UBE2Q2: variants seen among roughly 807,000 people sequenced by gnomAD.
The protein encoded by UBE2Q2 is ubiquitin-conjugating enzyme E2 Q2.
Under a neutral mutation model 59.9 loss-of-function variants are expected in UBE2Q2, and 54 were observed. That is an observed-to-expected ratio of 0.90 (90% CI 0.72 to 1.13). The LOEUF (loss-of-function observed/expected upper bound fraction) is 1.13. Among genes scored for constraint, UBE2Q2 ranks in the 50% most tolerant of loss-of-function variants. UBE2Q2 has a pLI of 0.00. For missense variants in UBE2Q2, 433 were observed against 441.9 expected, an observed-to-expected ratio of 0.98 and a Z score of 0.18; for synonymous variants, 165 against 155.2, an observed-to-expected ratio of 1.06 and a Z score of -0.47.
At chr15:75,865,964 T>C (rs562416749) in intron 3 of UBE2Q2, among the ~76,000 whole-genome samples, 5 of 152,334 alleles carry the variant, frequency 3.3e-5, no homozygotes, top group Non-Finnish European at 7.3e-5. Flanking sequence ...CAGATAATGC[T>C]TCCTGTCTTG....
intron 6 of UBE2Q2, among the ~76,000 whole-genome samples, chr15:75,876,527 C>G (rs777760863): frequency 1.6e-4 from 25 of 152,108 alleles, no homozygotes; most frequent in Non-Finnish European, 3.2e-4. Flanking sequence ...AAACAGTGAA[C>G]TCTTACATGA....
rs1256142539 is a variant in UBE2Q2 at position 75,856,269 on chromosome 15, G to GTGTATATATA, written c.282+1783_282+1784insGTATATATAT. 4.3e-3 allele frequency among the ~76,000 whole-genome samples: 599 copies of GTGTATATATA among 139,232 alleles called. 5 individuals carry two copies. Among genetic ancestry groups the GTGTATATATA allele is most frequent in the African/African-American group, 0.014 (520 of 36,420 alleles). The allele number at this position is 139,232 out of a possible 152,430, so 91.3% of individuals were successfully genotyped here. On this transcript the variant is annotated intron_variant, in intron 2 of 12. Coordinates refer to ENST00000267938, the MANE Select transcript of UBE2Q2 (RefSeq NM_173469.4). ...TACGTGTGTGTGTGTGTGTGTGTGTGTATATATATATATATATATATATAA... is the reference window on the plus strand; with the variant it reads ...TACGTGTGTGTGTGTGTGTGTGTGTGTGTATATATATATATATATATATATATATATATAA...
rs559021634 is a variant in UBE2Q2 at position 75,892,706 on chromosome 15, G to T, written c.1029+1692G>T. Among the ~76,000 whole-genome samples the T allele has an allele frequency of 3.1e-3, 477 of 151,824 alleles. 19 individuals are homozygous for T. The East Asian group carries it at 0.089, about 28-fold the overall frequency. On this transcript the variant is annotated intron_variant, in intron 11 of 12. Transcript: ENST00000267938. ...GAGAACTCGTCTACACAAAAAATACGCCCCCCACCCTAAAAAAACAATTAG... is the reference window on the plus strand; with the variant it reads ...GAGAACTCGTCTACACAAAAAATACTCCCCCCACCCTAAAAAAACAATTAG...
intron 12 of UBE2Q2, 124 bp from the exon 13 acceptor site, chr15:75,899,303 A>ATT (rs907526432): frequency 1.3e-4 from 37 of 295,726 alleles, no homozygotes; most frequent in Non-Finnish European, 2.0e-4. Flanking sequence ...ATATATATAT[A>ATT]TTTTTTACGG....
chr15:75,855,044 C>A (rs1007278224), intron 2 of UBE2Q2, among the ~76,000 whole-genome samples: 1 of 151,998 alleles, frequency 6.6e-6, no homozygotes, highest in African/African-American at 2.4e-5. Context: ...AAATTAAAAT[C>A]TCCCATAATT....
intron 2 of UBE2Q2, among the ~76,000 whole-genome samples, chr15:75,854,942 A>G (rs939287178): frequency 6.6e-6 from 1 of 152,196 alleles, no homozygotes; most frequent in Non-Finnish European, 1.5e-5. Context: ...ATAACTTTCC[A>G]TGTTGAAAAA....
intron 9 of UBE2Q2, among the ~76,000 whole-genome samples, chr15:75,886,983 C>A (rs1255932821): frequency 6.6e-6 from 1 of 151,834 alleles, no homozygotes; most frequent in Non-Finnish European, 1.5e-5. Flanking sequence ...TAGTTTACCA[C>A]CTAGAATAGA....
intron 12 of UBE2Q2, among the ~76,000 whole-genome samples, chr15:75,898,638 T>G (rs1304803615): frequency 6.6e-6 from 1 of 152,236 alleles, no homozygotes; most frequent in African/African-American, 2.4e-5. Flanking sequence ...TTAGGCATAG[T>G]CATTTAGTCA....
At chr15:75,877,490 A>C (rs990526820) in intron 6 of UBE2Q2, among the ~76,000 whole-genome samples, 4 of 151,104 alleles carry the variant, frequency 2.6e-5, no homozygotes, top group Non-Finnish European at 4.4e-5. Flanking sequence ...AAAAAAAAAA[A>C]CAGATACTGG....
At chr15:75,854,512 T>C in intron 2 of UBE2Q2, 25 bp downstream of exon 2, 1 of 1,457,684 alleles carries the variant, frequency 6.9e-7, no homozygotes, top group South Asian at 1.2e-5. Context: ...CAAGCTATTT[T>C]CTCTTTTCCT....
At chr15:75,856,269 G>GTGTGTGTGTATATATATA (rs1256142539) in intron 2 of UBE2Q2, among the ~76,000 whole-genome samples, 6 of 139,276 alleles carry the variant, frequency 4.3e-5, no homozygotes, top group African/African-American at 1.6e-4. Context: ...GTGTGTGTGT[G>GTGTGTGTGTATATATATA]TATATATATA....
intron 1 of UBE2Q2, among the ~76,000 whole-genome samples, chr15:75,845,250 A>T (rs536888905): frequency 2.0e-5 from 3 of 152,308 alleles, no homozygotes; most frequent in African/African-American, 7.2e-5. Flanking sequence ...CAATTTTGGA[A>T]GGCTGGCGGA....
intron 12 of UBE2Q2, among the ~76,000 whole-genome samples, chr15:75,899,207 G>A (rs1176841398): frequency 6.6e-6 from 1 of 151,078 alleles, no homozygotes; most frequent in East Asian, 1.9e-4. Context: ...TCTGGGAGGT[G>A]GAGGTTGCAG....
chr15:75,845,364 C>G (rs1035809098), intron 1 of UBE2Q2, among the ~76,000 whole-genome samples: 1 of 152,060 alleles, frequency 6.6e-6, no homozygotes, highest in African/African-American at 2.4e-5. Context: ...TTGAGAAGCC[C>G]ACGATACAGG....
chr15:75,887,762 G>C (rs1595894598), intron 9 of UBE2Q2, among the ~76,000 whole-genome samples: 1 of 152,178 alleles, frequency 6.6e-6, no homozygotes, highest in Non-Finnish European at 1.5e-5. Context: ...GGGCCACGCT[G>C]TTGTCTTAGA....
chr15:75,844,289 G>A lies in UBE2Q2; in HGVS notation c.180+443G>A, dbSNP rs907767933. ...GTTTTAACGCCTCATTTTTCAGTCG[G>A]ATTTTCCTTCTTCCCGCTTGTTCAG... is the stretch of plus-strand genomic sequence containing the variant. On this transcript the variant is annotated intron_variant, in intron 1 of 12. Coordinates refer to ENST00000267938, the MANE Select transcript of UBE2Q2 (RefSeq NM_173469.4). 17 of 1,544,098 alleles carry A rather than the reference G, an allele frequency of 1.1e-5. No individual in the cohort carries two copies. The Admixed American group carries it at 3.2e-4, about 29-fold the overall frequency.
intron 9 of UBE2Q2, among the ~76,000 whole-genome samples, 170 bp downstream of exon 9, chr15:75,883,594 T>A (rs1487306146): frequency 6.6e-6 from 1 of 151,920 alleles, no homozygotes; most frequent in African/African-American, 2.4e-5. Flanking sequence ...GAGGCCACTG[T>A]GCCTGGCCTG....
chr15:75,864,893 AT>A (rs1390078792), intron 3 of UBE2Q2, among the ~76,000 whole-genome samples: 1 of 152,230 alleles, frequency 6.6e-6, no homozygotes, highest in Non-Finnish European at 1.5e-5. Context: ...TTAAACAAAC[AT>A]GTAAGGGTAT....
At chr15:75,844,215 A>T in intron 1 of UBE2Q2, 3 of 1,467,534 alleles carry the variant, frequency 2.0e-6, no homozygotes, top group Non-Finnish European at 2.7e-6. Flanking sequence ...GGGGCGGCGC[A>T]GCTCCGGCTG....
Sources: allele counts gnomAD v4.1 joint callset (sites outside exome capture counted in the v4.1 genomes callset), GRCh38; gene constraint gnomAD v4.1.1; transcripts MANE v1.5; gene names NCBI Gene and HGNC (gene_info 2026-07-23, HGNC 2026-07-21).